The following ATXN7L1 variants were observed in gnomAD, a reference collection of about 807,000 sequenced individuals.
ATXN7L1 encodes the protein ataxin 7 like 1.
A neutral mutation model predicts 70.8 loss-of-function variants in ATXN7L1; 15 were observed. The observed-to-expected ratio is 0.21, with a 90% CI of 0.14 to 0.33. ATXN7L1 has a LOEUF of 0.33. ATXN7L1 is among the 10% of genes least tolerant of loss of function. The pLI, the probability that ATXN7L1 is intolerant of heterozygous loss-of-function variation, is 1.00. For missense variants in ATXN7L1, 975 were observed against 1,097.1 expected (o/e 0.89, Z 1.57); for synonymous variants, 440 against 445.1 (o/e 0.99, Z 0.14).
At chr7:105,613,216 C>G (rs117291122) in intron 10 of ATXN7L1, among the ~76,000 whole-genome samples, 1 of 152,242 alleles carries the variant, frequency 6.6e-6, no homozygotes, top group Admixed American at 6.5e-5. Context: ...TCAGCTTCCT[C>G]ACCATACACA....
At chr7:105,656,228 C>T (rs2116009356) in intron 4 of ATXN7L1, among the ~76,000 whole-genome samples, 1 of 152,344 alleles carries the variant, frequency 6.6e-6, no homozygotes, top group Middle Eastern at 3.4e-3. Flanking sequence ...CATGGCTGAG[C>T]AGGGACTCAT....
intron 2 of ATXN7L1, among the ~76,000 whole-genome samples, chr7:105,853,548 G>A (rs925572128): frequency 7.2e-6 from 1 of 139,118 alleles, no homozygotes; most frequent in Admixed American, 7.3e-5. Flanking sequence ...AGCAAGACTC[G>A]GTCTCAAAAA....
chr7:105,776,488 AAAC>A (rs1347532059), intron 3 of ATXN7L1, among the ~76,000 whole-genome samples: 2 of 106,380 alleles, frequency 1.9e-5, no homozygotes, highest in Non-Finnish European at 3.6e-5. Context: ...ACAAACAAAC[AAAC>A]AACCCCCCCC....
intron 4 of ATXN7L1, among the ~76,000 whole-genome samples, chr7:105,643,931 G>A (rs746546993): frequency 3.3e-5 from 5 of 152,180 alleles, no homozygotes; most frequent in Admixed American, 6.5e-5. Context: ...AAGGACCTGC[G>A]TCTGGGGGGC....
At chr7:105,872,844 A>C (rs1350456927) in intron 2 of ATXN7L1, among the ~76,000 whole-genome samples, 2 of 152,046 alleles carry the variant, frequency 1.3e-5, no homozygotes, top group East Asian at 1.9e-4. Flanking sequence ...TTACCACAAA[A>C]AAAAAAAAAC....
intron 3 of ATXN7L1, among the ~76,000 whole-genome samples, chr7:105,670,835 G>A (rs1327046221): frequency 4.6e-5 from 7 of 151,974 alleles, no homozygotes; most frequent in Non-Finnish European, 1.0e-4. Context: ...AGCCGGGCGC[G>A]GTGGCTCACG....
At chr7:105,700,508 C>CAAAAAA (rs1186998293) in intron 3 of ATXN7L1, among the ~76,000 whole-genome samples, 35 of 49,770 alleles carry the variant, frequency 7.0e-4, no homozygotes, top group Non-Finnish European at 9.9e-4. Context: ...GACTCTGTCT[C>CAAAAAA]AAAAAAAAAA....
At chr7:105,793,642 C>T (rs1805565877) in intron 2 of ATXN7L1, among the ~76,000 whole-genome samples, 1 of 152,126 alleles carries the variant, frequency 6.6e-6, no homozygotes, top group African/African-American at 2.4e-5. Flanking sequence ...AACATGTGCC[C>T]AATGAAGACG....
intron 2 of ATXN7L1, among the ~76,000 whole-genome samples, chr7:105,843,183 C>T (rs1360634533): frequency 6.6e-6 from 1 of 152,036 alleles, no homozygotes; most frequent in Non-Finnish European, 1.5e-5. Context: ...AATGGTGGCC[C>T]CAAGGTTAGG....
intron 8 of ATXN7L1, among the ~76,000 whole-genome samples, chr7:105,623,595 A>G (rs1795244780): frequency 6.6e-6 from 1 of 152,194 alleles, no homozygotes; most frequent in South Asian, 2.1e-4. Context: ...CCATATGGTC[A>G]CACAACAGTA....
chr7:105,848,978 G>C (rs186479295), intron 2 of ATXN7L1, among the ~76,000 whole-genome samples: 1 of 152,168 alleles, frequency 6.6e-6, no homozygotes, highest in Non-Finnish European at 1.5e-5. Flanking sequence ...TATCACCCCA[G>C]TGGATCACTT....
intron 4 of ATXN7L1, among the ~76,000 whole-genome samples, chr7:105,645,783 A>T (rs998832167): frequency 6.6e-6 from 1 of 151,272 alleles, no homozygotes; most frequent in Non-Finnish European, 1.5e-5. Context: ...ACTGCACTCC[A>T]GCCTGGGAGA....
chr7:105,688,777 G>A (rs535587896), intron 3 of ATXN7L1, among the ~76,000 whole-genome samples: 35 of 152,334 alleles, frequency 2.3e-4, no homozygotes, highest in Non-Finnish European at 4.7e-4. Flanking sequence ...CTGCCCTGAA[G>A]TCCTGAAGCT....
At chr7:105,854,774 G>A (rs889910898) in intron 2 of ATXN7L1, among the ~76,000 whole-genome samples, 1 of 151,414 alleles carries the variant, frequency 6.6e-6, no homozygotes, top group Admixed American at 6.5e-5. Flanking sequence ...AGCTTGTAAA[G>A]GCTCACAAGA....
intron 3 of ATXN7L1, among the ~76,000 whole-genome samples, chr7:105,714,082 T>A (rs2116278141): frequency 6.6e-6 from 1 of 152,368 alleles, no homozygotes; most frequent in Non-Finnish European, 1.5e-5. Flanking sequence ...GCTCATCTAA[T>A]CTCCACAACT....
chr7:105,696,854 C>T lies in ATXN7L1; in HGVS notation c.356-31566G>A, dbSNP rs370286494. On this transcript the variant is annotated intron_variant, in intron 3 of 11. Coordinates refer to ENST00000419735, the MANE Select transcript of ATXN7L1 (RefSeq NM_020725.2). The stretch of plus-strand genomic sequence containing the variant: ...GGTTCTTTTCTATTTTCCTAAGTGT[C>T]GGCCAGCTTGAGAAATAAAAGGACA... Among the ~76,000 whole-genome samples, 42 of 152,234 alleles carry T rather than the reference C, an allele frequency of 2.8e-4. No homozygotes were observed. The South Asian group carries it at 5.0e-3, about 18-fold the overall frequency.
chr7:105,665,031 A>ACAGACAGCAGCTGGCTGC, intron 4 of ATXN7L1, 35 bp downstream of exon 4: 4 of 1,514,350 alleles, frequency 2.6e-6, no homozygotes, highest in Non-Finnish European at 2.7e-6. Context: ...AGCAGGGGGG[A>ACAGACAGCAGCTGGCTGC]CAGACAGCAG....
intron 2 of ATXN7L1, among the ~76,000 whole-genome samples, chr7:105,790,108 A>G (rs1804918114): frequency 6.6e-6 from 1 of 152,218 alleles, no homozygotes; most frequent in Admixed American, 6.5e-5. Context: ...AGGCAAATCT[A>G]TAAACACAAA....
chr7:105,660,758 T>C (rs906941480), intron 4 of ATXN7L1, among the ~76,000 whole-genome samples: 1 of 151,976 alleles, frequency 6.6e-6, no homozygotes, highest in African/African-American at 2.4e-5. Flanking sequence ...AATTTTTGAA[T>C]TTTTAGTAGA....
Sources: gnomAD v4.1 joint callset for allele counts (sites outside exome capture counted in the v4.1 genomes callset) on GRCh38, gnomAD v4.1.1 for gene constraint, MANE v1.5 for transcripts, NCBI Gene and HGNC (gene_info 2026-07-23, HGNC 2026-07-21) for gene names.